Variants in SOBP observed in about 807,000 individuals in gnomAD.
SOBP encodes sine oculis-binding protein homolog.
Under a neutral mutation model 53.6 loss-of-function variants are expected in SOBP, and 4 were observed. The observed-to-expected ratio is 0.07, with a 90% CI of 0.04 to 0.17. The LOEUF is 0.17. SOBP is among the 10% of genes least tolerant of loss of function. SOBP has a pLI of 1.00. For missense variants in SOBP, 1,088 were observed against 1,204.7 expected, an observed-to-expected ratio of 0.90 and a Z score of 1.43; for synonymous variants, 584 against 522.6, an observed-to-expected ratio of 1.12 and a Z score of -1.60.
intron 3 of SOBP, among the ~76,000 whole-genome samples, chr6:107,527,269 T>C (rs1783691429): frequency 6.6e-6 from 1 of 152,238 alleles, no homozygotes; most frequent in African/African-American, 2.4e-5. Flanking sequence ...AGTGATATAT[T>C]TGGCAACATC....
chr6:107,574,045 C>T (rs1176427360), intron 4 of SOBP, among the ~76,000 whole-genome samples: 6 of 152,266 alleles, frequency 3.9e-5, no homozygotes, highest in African/African-American at 1.4e-4. Context: ...TGAATGGAGA[C>T]CTAAGGAAAA....
chr6:107,501,483 G>A (rs1174118884), intron 1 of SOBP, among the ~76,000 whole-genome samples: 1 of 152,208 alleles, frequency 6.6e-6, no homozygotes, highest in Admixed American at 6.5e-5. Context: ...TAGTCACTAG[G>A]ATATATGTAA....
intron 5 of SOBP, among the ~76,000 whole-genome samples, chr6:107,587,765 G>T (rs1785614371): frequency 6.6e-6 from 1 of 152,142 alleles, no homozygotes; most frequent in African/African-American, 2.4e-5. Flanking sequence ...CCAATGCAGG[G>T]TTAATTTGCT....
At chr6:107,587,873 T>C (rs933160570) in intron 5 of SOBP, among the ~76,000 whole-genome samples, 1 of 152,218 alleles carries the variant, frequency 6.6e-6, no homozygotes, top group Admixed American at 6.5e-5. Context: ...ATGTTCTTGA[T>C]TAGCTTTTGA....
intron 4 of SOBP, among the ~76,000 whole-genome samples, chr6:107,583,222 CA>C (rs1785459092): frequency 6.6e-6 from 1 of 152,226 alleles, no homozygotes; most frequent in African/African-American, 2.4e-5. Flanking sequence ...ACTTACTGGG[CA>C]TCAGGCAGTG....
chr6:107,636,421 A>G (rs1771047068), intron 6 of SOBP: 3 of 152,230 alleles, frequency 2.0e-5, no homozygotes, highest in Admixed American at 2.0e-4. Flanking sequence ...CCTCCTGCCA[A>G]TTCTGGTGGA....
chr6:107,635,562 G>T lies in SOBP; in HGVS notation c.*3+93G>T. On this transcript the variant is annotated intron_variant, in intron 6 of 6. Coordinates refer to ENST00000317357, the MANE Select transcript of SOBP (RefSeq NM_018013.4). The surrounding 1 kb of genome is among the most constrained non-coding windows in gnomAD (Gnocchi z 4.5). ...AGGGGAGAGTTGTAATTATAGTCAT[G>T]ATTTTACCGTGTGTGTTTTATATTG... 6.5e-7 allele frequency: 1 copy of T among 1,542,474 alleles called. No individual in the cohort carries two copies. Among genetic ancestry groups the T allele is most frequent in the Non-Finnish European group, 8.9e-7 (1 of 1,127,860 alleles).
intron 4 of SOBP, among the ~76,000 whole-genome samples, chr6:107,553,556 G>A (rs565697091): frequency 1.5e-4 from 22 of 151,186 alleles, no homozygotes; most frequent in Non-Finnish European, 2.4e-4. Flanking sequence ...CAGTGGTCTC[G>A]GCTTACTGCA....
In SOBP at chr6:107,584,253, T is replaced by TAA. The variant is rs35618286; in HGVS notation, c.574-2810_574-2809dup. On this transcript the variant is annotated intron_variant, in intron 4 of 6. Coordinates refer to ENST00000317357, the MANE Select transcript of SOBP (RefSeq NM_018013.4). ...GGGAGGGGGTCAGACACCAATATGT[T>TAA]AAAAAAAAAAAAAAAAAACACCCCA... Among the ~76,000 whole-genome samples the TAA allele has an allele frequency of 7.1e-3, 837 of 117,522 alleles. 10 individuals are homozygous for TAA. The highest frequency in any genetic ancestry group is 0.025 in the African/African-American group (800 of 31,596). The allele number at this position is 117,522 out of a possible 152,430, so 77.1% of individuals were successfully genotyped here.
intron 5 of SOBP, among the ~76,000 whole-genome samples, chr6:107,611,660 G>A (rs139779078): frequency 1.3e-5 from 2 of 152,176 alleles, no homozygotes; most frequent in Admixed American, 6.5e-5. Flanking sequence ...GTCAGCCACT[G>A]ATGTCAGGGT....
In SOBP at chr6:107,635,374, A is replaced by C. The variant is rs778564679; in HGVS notation, c.2530A>C (p.Ile844Leu). 2 of 1,613,520 alleles carry C rather than the reference A, an allele frequency of 1.2e-6. No individual in the cohort carries two copies. Among genetic ancestry groups the C allele is most frequent in the Non-Finnish European group, 1.7e-6 (2 of 1,180,018 alleles). ...GGAGAAGGCTGCCATGGCACCGTGC[A>C]TCATCTCCTCGCCCATGCTCAGCGC... The part of the protein sequence containing the change: ...PAEKAAMAPC[I>L]ISSPMLSAGP... Residue 844 changes from isoleucine to leucine, a missense_variant, in exon 6 of 7, where the codon ATC (isoleucine) becomes CTC (leucine). Transcript: ENST00000317357. The surrounding 1 kb of genome is among the most constrained non-coding windows in gnomAD (Gnocchi z 4.5).
intron 4 of SOBP, among the ~76,000 whole-genome samples, chr6:107,542,913 C>G (rs1389871020): frequency 1.3e-5 from 2 of 152,024 alleles, no homozygotes; most frequent in African/African-American, 2.4e-5. Flanking sequence ...AAGGCAAGCT[C>G]CATACAGAAT....
At chr6:107,519,794 C>G (rs1187970898) in intron 3 of SOBP, among the ~76,000 whole-genome samples, 2 of 152,138 alleles carry the variant, frequency 1.3e-5, no homozygotes, top group East Asian at 1.9e-4. Flanking sequence ...GCACATCCTT[C>G]TGTTGGCTCT....
intron 3 of SOBP, among the ~76,000 whole-genome samples, chr6:107,516,639 G>A (rs1038301933): frequency 6.6e-6 from 1 of 152,052 alleles, no homozygotes; most frequent in Non-Finnish European, 1.5e-5. Context: ...CAATCTACAG[G>A]TTAACTATTA....
intron 5 of SOBP, among the ~76,000 whole-genome samples, chr6:107,626,996 C>T (rs1770490774): frequency 1.3e-5 from 2 of 152,112 alleles, no homozygotes; most frequent in Non-Finnish European, 2.9e-5. Flanking sequence ...ATTTCTGTGC[C>T]CTCTCAGGAC....
intron 3 of SOBP, 65 bp downstream of exon 3, chr6:107,506,492 A>G: frequency 6.4e-7 from 1 of 1,564,776 alleles, no homozygotes; most frequent in Non-Finnish European, 8.8e-7. Flanking sequence ...CATCTTAGGA[A>G]TAATTATTAA....
At chr6:107,611,094 C>T (rs1049360556) in intron 5 of SOBP, among the ~76,000 whole-genome samples, 4 of 152,260 alleles carry the variant, frequency 2.6e-5, no homozygotes, top group Non-Finnish European at 4.4e-5. Context: ...CATCAGCCTC[C>T]GTTCCTTTAC....
chr6:107,537,477 A>G (rs1784032230), intron 4 of SOBP, among the ~76,000 whole-genome samples: 1 of 152,232 alleles, frequency 6.6e-6, no homozygotes. Context: ...TTACAAGTAA[A>G]CACAAATTCC....
intron 2 of SOBP, 122 bp from the exon 3 acceptor site, chr6:107,506,120 A>T: frequency 4.7e-6 from 4 of 849,986 alleles, no homozygotes; most frequent in Non-Finnish European, 7.6e-6. Flanking sequence ...TACATTGTTT[A>T]AAGATTTGCA....
Sources: gnomAD v4.1 joint callset for allele counts (sites outside exome capture counted in the v4.1 genomes callset) on GRCh38, gnomAD v4.1.1 for gene constraint, Gnocchi (gnomAD v3.1) non-coding constraint, MANE v1.5 for transcripts, NCBI Gene and HGNC (gene_info 2026-07-23, HGNC 2026-07-21) for gene names.